SYN2: variants seen among roughly 807,000 people sequenced by gnomAD.
SYN2 encodes synapsin II, also known as synapsin-2.
A neutral mutation model predicts 50.9 loss-of-function variants in SYN2; 19 were observed. The observed-to-expected ratio is 0.37, with a 90% CI of 0.26 to 0.55. The LOEUF (loss-of-function observed/expected upper bound fraction) is 0.55. SYN2 is among the 20% of genes least tolerant of loss of function. The pLI is 0.81. For missense variants in SYN2, 587 were observed against 576.4 expected, an observed-to-expected ratio of 1.02 and a Z score of -0.19; for synonymous variants, 255 against 224.9, an observed-to-expected ratio of 1.13 and a Z score of -1.20.
intron 1 of SYN2, among the ~76,000 whole-genome samples, chr3:12,077,245 ATAACTC>A (rs1695485813): frequency 1.3e-5 from 2 of 152,080 alleles, no homozygotes; most frequent in Non-Finnish European, 2.9e-5. Flanking sequence ...TCATATAAGA[ATAACTC>A]TAAGCATGGC....
chr3:12,183,291 T>G, intron 10 of SYN2, 21 bp from the exon 11 acceptor site: 1 of 1,593,542 alleles, frequency 6.3e-7, no homozygotes, highest in Non-Finnish European at 8.5e-7. Flanking sequence ...TGTTTTTATC[T>G]CTTACATTTT....
intron 8 of SYN2, 107 bp downstream of exon 8, chr3:12,167,415 C>T (rs780221905): frequency 3.9e-5 from 47 of 1,190,586 alleles, no homozygotes; most frequent in Middle Eastern, 2.0e-4. Flanking sequence ...TGGAGCAAAC[C>T]GGACAGATAA....
intron 1 of SYN2, among the ~76,000 whole-genome samples, chr3:12,082,431 C>T (rs1196433627): frequency 6.6e-6 from 1 of 152,188 alleles, no homozygotes; most frequent in Non-Finnish European, 1.5e-5. Context: ...TATTATCCCT[C>T]CTGAAATCCA....
intron 1 of SYN2, among the ~76,000 whole-genome samples, chr3:12,121,123 C>A (rs916363104): frequency 6.6e-6 from 1 of 152,204 alleles, no homozygotes; most frequent in East Asian, 1.9e-4. Flanking sequence ...TTTTGCCTGG[C>A]TAGCTCCTAC....
chr3:12,056,530 CAG>C (rs925555383), intron 1 of SYN2, among the ~76,000 whole-genome samples: 3 of 151,940 alleles, frequency 2.0e-5, no homozygotes, highest in Admixed American at 1.3e-4. Context: ...GATTAGTGGG[CAG>C]AGAGGAGAAA....
chr3:12,081,682 AG>A (rs1695589603), intron 1 of SYN2, among the ~76,000 whole-genome samples: 1 of 152,226 alleles, frequency 6.6e-6, no homozygotes, highest in South Asian at 2.1e-4. Context: ...TATTTTTCTC[AG>A]TAGCCATCTA....
intron 1 of SYN2, among the ~76,000 whole-genome samples, chr3:12,016,210 G>A (rs1321810792): frequency 6.6e-6 from 1 of 152,078 alleles, no homozygotes; most frequent in Admixed American, 6.5e-5. Flanking sequence ...AATAGCTAAT[G>A]GTGAGAATTT....
At position 12,162,015 on chromosome 3, in the gene SYN2, A is replaced by G; in HGVS notation, c.841A>G (p.Lys281Glu). ...TTCTGCCCTGCTCTAACATTAGGTCAAAGTGGAAAACCACTACGACTTCCA... is the reference window on the plus strand; with the variant it reads ...TTCTGCCCTGCTCTAACATTAGGTCGAAGTGGAAAACCACTACGACTTCCA... ...GHAHSGMGKVKVENHYDFQDI... is the reference protein window; with the variant it reads ...GHAHSGMGKVEVENHYDFQDI... The change falls in exon 7 of 13, where the codon AAA (lysine) becomes GAA (glutamate). Residue 281 changes from lysine (K) to glutamate (E), a missense_variant. Coordinates refer to ENST00000621198, the MANE Select transcript of SYN2 (RefSeq NM_133625.6). The G allele has an allele frequency of 6.2e-7, 1 of 1,614,014 alleles. No homozygotes were observed. The highest frequency in any genetic ancestry group is 1.1e-5 in the South Asian group (1 of 91,072).
rs1305094397 is a variant in SYN2, at chr3:12,187,495, A to G, written c.1496A>G (p.Gln499Arg). 1 of 1,553,306 alleles carries G rather than the reference A, an allele frequency of 6.4e-7. No individual in the cohort carries two copies. Among genetic ancestry groups the G allele is most frequent in the Non-Finnish European group, 8.7e-7 (1 of 1,147,826 alleles). ...TCTTCTTCCTCCTCCTCGGCTCCTC[A>G]GCGGCCGGGCGGCCCCACCACCCAC... ...SSSSSSSSAP[Q>R]RPGGPTTHGD... The change falls in exon 12 of 13, where the codon CAG becomes CGG. Residue 499 changes from glutamine to arginine, a missense_variant. Gln to Arg is a conservative substitution (Grantham distance 43). Transcript: ENST00000621198.
chr3:12,111,736 G>GT (rs1559424367), intron 1 of SYN2, among the ~76,000 whole-genome samples: 1 of 152,192 alleles, frequency 6.6e-6, no homozygotes, highest in East Asian at 1.9e-4. Flanking sequence ...TTAGTAGGCT[G>GT]TTTTTTAAGA....
At chr3:12,181,175 T>C (rs886269825) in intron 10 of SYN2, among the ~76,000 whole-genome samples, 13 of 152,254 alleles carry the variant, frequency 8.5e-5, no homozygotes, top group African/African-American at 2.9e-4. Flanking sequence ...TCTGCTCTTA[T>C]GCCACATAGT....
At chr3:12,052,421 A>G (rs981257244) in intron 1 of SYN2, among the ~76,000 whole-genome samples, 4 of 152,172 alleles carry the variant, frequency 2.6e-5, no homozygotes, top group African/African-American at 9.7e-5. Context: ...TTATAAAGTT[A>G]CATTAGAATT....
chr3:12,044,841 T>C (rs1559397310), intron 1 of SYN2, among the ~76,000 whole-genome samples: 3 of 152,348 alleles, frequency 2.0e-5, no homozygotes, highest in East Asian at 3.9e-4. Context: ...GAGTAAGATA[T>C]CAAATATTTA....
chr3:12,124,015 A>C (rs985508182), intron 1 of SYN2, among the ~76,000 whole-genome samples: 1 of 152,168 alleles, frequency 6.6e-6, no homozygotes, highest in Non-Finnish European at 1.5e-5. Flanking sequence ...TGTCTCAAAG[A>C]AAAAAGAAAA....
At chr3:12,109,484 A>G (rs1696269799) in intron 1 of SYN2, among the ~76,000 whole-genome samples, 1 of 152,224 alleles carries the variant, frequency 6.6e-6, no homozygotes, top group African/African-American at 2.4e-5. Flanking sequence ...AAATGGTTAT[A>G]CTAGTTATGT....
chr3:12,165,503 G>A (rs1259765912), intron 7 of SYN2: 1 of 152,168 alleles, frequency 6.6e-6, no homozygotes, highest in Non-Finnish European at 1.5e-5. Flanking sequence ...TATGCATCAG[G>A]GCAGTAGGAA....
intron 1 of SYN2, among the ~76,000 whole-genome samples, chr3:12,018,631 G>T (rs918494064): frequency 1.3e-5 from 2 of 152,216 alleles, no homozygotes; most frequent in Non-Finnish European, 2.9e-5. Context: ...GCCATGAAGA[G>T]TAGTGATGGG....
At chr3:12,121,128 T>C (rs541698472) in intron 1 of SYN2, among the ~76,000 whole-genome samples, 1 of 152,332 alleles carries the variant, frequency 6.6e-6, no homozygotes, top group South Asian at 2.1e-4. Flanking sequence ...CCTGGCTAGC[T>C]CCTACTTAAA....
chr3:12,038,164 TTCCTCTATTGAA>T (rs1694540488), intron 1 of SYN2, among the ~76,000 whole-genome samples: 1 of 152,218 alleles, frequency 6.6e-6, no homozygotes, highest in Non-Finnish European at 1.5e-5. Context: ...AAGACTCTTT[TTCCTCTATTGAA>T]TTGTCTTGAC....
Sources: gnomAD v4.1 joint callset for allele counts (sites outside exome capture counted in the v4.1 genomes callset) on GRCh38, gnomAD v4.1.1 for gene constraint, MANE v1.5 for transcripts, NCBI Gene and HGNC (gene_info 2026-07-23, HGNC 2026-07-21) for gene names.